Variants in MYRIP observed in about 807,000 individuals in gnomAD.
MYRIP encodes the protein myosin VIIA and Rab interacting protein.
MYRIP carries 49 observed loss-of-function variants against 98.0 expected under a neutral mutation model. The ratio of observed to expected loss-of-function variants is 0.50; its 90% CI spans 0.40 to 0.63. The LOEUF (loss-of-function observed/expected upper bound fraction) is 0.63. Ranked by LOEUF, MYRIP falls within the 30% of genes least tolerant of loss-of-function variation. MYRIP has a pLI of 0.00. For missense variants in MYRIP, 1,004 were observed against 1,058.2 expected (o/e 0.95, Z 0.71); for synonymous variants, 404 against 409.5 (o/e 0.99, Z 0.16).
intron 2 of MYRIP, among the ~76,000 whole-genome samples, chr3:39,954,845 G>T (rs1050561223): frequency 5.3e-5 from 8 of 152,192 alleles, no homozygotes; most frequent in African/African-American, 1.7e-4. Context: ...TGATGGAGCT[G>T]AAACCCATGG....
intron 1 of MYRIP, among the ~76,000 whole-genome samples, chr3:39,857,020 G>A (rs1047710211): frequency 1.3e-5 from 2 of 152,232 alleles, no homozygotes; most frequent in African/African-American, 4.8e-5. Context: ...AGGAGTTTGA[G>A]ACCAGCCTGG....
chr3:40,169,859 G>A, intron 7 of MYRIP, 91 bp from the exon 8 acceptor site: 2 of 1,532,656 alleles, frequency 1.3e-6, no homozygotes, highest in Non-Finnish European at 1.8e-6. Context: ...ATAAGTGGCT[G>A]AAAAAAATTC....
intron 2 of MYRIP, among the ~76,000 whole-genome samples, chr3:40,021,061 T>C (rs1946981855): frequency 6.6e-6 from 1 of 152,164 alleles, no homozygotes; most frequent in African/African-American, 2.4e-5. Context: ...TAGCATTCCA[T>C]AAAGATAATT....
chr3:40,245,276 A>G (rs1380308061), intron 13 of MYRIP, among the ~76,000 whole-genome samples: 1 of 152,218 alleles, frequency 6.6e-6, no homozygotes, highest in Non-Finnish European at 1.5e-5. Flanking sequence ...TAAAAAATTG[A>G]CCATGGATTA....
At chr3:40,063,863 TAA>T (rs1391746035) in intron 3 of MYRIP, among the ~76,000 whole-genome samples, 1 of 151,744 alleles carries the variant, frequency 6.6e-6, no homozygotes, top group Non-Finnish European at 1.5e-5. Flanking sequence ...TGTGGAGGAG[TAA>T]AGAGTGCTCT....
At chr3:39,961,749 T>C (rs529621266) in intron 2 of MYRIP, among the ~76,000 whole-genome samples, 75 of 152,252 alleles carry the variant, frequency 4.9e-4, no homozygotes, top group African/African-American at 1.6e-3. Flanking sequence ...CTCTTGAAAT[T>C]AGCTCCCTCA....
chr3:39,936,920 G>T (rs1944666838), intron 2 of MYRIP, among the ~76,000 whole-genome samples: 1 of 152,152 alleles, frequency 6.6e-6, no homozygotes, highest in Non-Finnish European at 1.5e-5. Flanking sequence ...ATGGAACTTG[G>T]TTTAACTTAG....
chr3:40,046,403 C>G (rs918338139), intron 3 of MYRIP, among the ~76,000 whole-genome samples: 2 of 151,514 alleles, frequency 1.3e-5, no homozygotes, highest in African/African-American at 4.9e-5. Context: ...AGCACCAGAG[C>G]CTGACACATA....
intron 10 of MYRIP, among the ~76,000 whole-genome samples, chr3:40,198,222 C>T (rs1192273437): frequency 6.6e-6 from 1 of 151,884 alleles, no homozygotes; most frequent in Non-Finnish European, 1.5e-5. Context: ...GCACCGAGGG[C>T]AGTTGGAAGT....
At chr3:39,831,440 T>A (rs1055825510) in intron 1 of MYRIP, among the ~76,000 whole-genome samples, 110 of 152,296 alleles carry the variant, frequency 7.2e-4, no homozygotes, top group African/African-American at 2.5e-3. Context: ...ATCTCTTAGT[T>A]GCCTAGGTCC....
chr3:40,001,475 A>G (rs1024035280), intron 2 of MYRIP, among the ~76,000 whole-genome samples: 3 of 152,188 alleles, frequency 2.0e-5, no homozygotes, highest in Admixed American at 6.5e-5. Context: ...CAGGGTAGGG[A>G]TTATTTTACT....
chr3:40,025,515 C>G (rs1412973123), intron 2 of MYRIP, among the ~76,000 whole-genome samples: 1 of 152,120 alleles, frequency 6.6e-6, no homozygotes, highest in Admixed American at 6.5e-5. Context: ...TGGGTTTACC[C>G]TTTGGAGCCC....
chr3:39,849,383 A>G (rs1942061001), intron 1 of MYRIP, among the ~76,000 whole-genome samples: 1 of 152,234 alleles, frequency 6.6e-6, no homozygotes, highest in Non-Finnish European at 1.5e-5. Flanking sequence ...AGCCATCAAA[A>G]CAACTACATT....
At chr3:40,151,687 C>T (rs934264930) in intron 4 of MYRIP, among the ~76,000 whole-genome samples, 36 of 152,180 alleles carry the variant, frequency 2.4e-4, no homozygotes, top group Admixed American at 2.3e-3. Flanking sequence ...TTTACCTATG[C>T]TGTTTTTATA....
intron 2 of MYRIP, among the ~76,000 whole-genome samples, chr3:40,033,831 G>T (rs1447796134): frequency 6.6e-6 from 1 of 152,032 alleles, no homozygotes; most frequent in Non-Finnish European, 1.5e-5. Flanking sequence ...ATACTACAAG[G>T]CTACAGTAAC....
At chr3:39,881,627 G>T (rs1943156903) in intron 1 of MYRIP, among the ~76,000 whole-genome samples, 1 of 152,106 alleles carries the variant, frequency 6.6e-6, no homozygotes, top group Non-Finnish European at 1.5e-5. Flanking sequence ...GCTCAGCTAT[G>T]CCTAGTGTCT....
intron 3 of MYRIP, among the ~76,000 whole-genome samples, chr3:40,128,466 C>T (rs1025698139): frequency 1.3e-5 from 2 of 152,346 alleles, no homozygotes; most frequent in African/African-American, 4.8e-5. Flanking sequence ...TCACAACACC[C>T]TTCCCTTAAT....
chr3:39,904,269 C>G (rs1459489808), intron 2 of MYRIP, among the ~76,000 whole-genome samples: 1 of 152,126 alleles, frequency 6.6e-6, no homozygotes, highest in Admixed American at 6.6e-5. Flanking sequence ...TGTTTGGAGA[C>G]AGAGTCTCAC....
chr3:40,119,387 T>C (rs1949350096), intron 3 of MYRIP, among the ~76,000 whole-genome samples: 1 of 152,232 alleles, frequency 6.6e-6, no homozygotes, highest in South Asian at 2.1e-4. Context: ...AAAGAGCAAA[T>C]AGAGAAGTAT....
Sources: allele counts gnomAD v4.1 joint callset (sites outside exome capture counted in the v4.1 genomes callset), GRCh38; gene constraint gnomAD v4.1.1; transcripts MANE v1.5; gene names NCBI Gene and HGNC (gene_info 2026-07-23, HGNC 2026-07-21).